The following B3GALNT1 variants were observed in gnomAD, a reference collection of about 807,000 sequenced individuals.
The protein encoded by B3GALNT1 is beta-1,3-N-acetylgalactosaminyltransferase 1 (Globoside blood group).
A neutral mutation model predicts 27.3 loss-of-function variants in B3GALNT1; 17 were observed. The observed-to-expected ratio is 0.62, with a 90% CI of 0.43 to 0.94. B3GALNT1 has a LOEUF of 0.94. Ranked by LOEUF, B3GALNT1 falls within the 40% of genes least tolerant of loss-of-function variation. The pLI is 0.00. For synonymous variants in B3GALNT1, 141 were observed against 144.0 expected (o/e 0.98, Z 0.15); for missense variants, 347 against 390.0 (o/e 0.89, Z 0.93).
chr3:161,100,542 AT>A (rs1560009503), intron 4 of B3GALNT1, among the ~76,000 whole-genome samples: 1 of 152,220 alleles, frequency 6.6e-6, no homozygotes, highest in Non-Finnish European at 1.5e-5. Context: ...TTAAAGACAC[AT>A]GTAAGTAAGA....
Position 161,099,286 on chromosome 3 carries a change from G to T in B3GALNT1, c.-35+1853C>A, listed in dbSNP as rs1729897776. Among the ~76,000 whole-genome samples, 3 of 151,672 alleles carry T rather than the reference G, an allele frequency of 2.0e-5. No homozygotes were observed. In the South Asian group the frequency reaches 6.3e-4, roughly 32 times the overall value. On this transcript the variant is annotated intron_variant, in intron 4 of 4. Transcript: ENST00000320474. ...TGGGCTTATTCAATTTTGTAGGCAG[G>T]AAAAAAAATGACAAATTCATTAAAA... is the stretch of plus-strand genomic sequence containing the variant.
chr3:161,085,739 G>A lies in B3GALNT1; in HGVS notation c.*20C>T, dbSNP rs1485896064. The A allele has an allele frequency of 4.3e-6, 7 of 1,612,608 alleles. No homozygotes were observed. The African/African-American group carries it at 8.0e-5, about 18-fold the overall frequency. On this transcript the variant is annotated 3_prime_UTR_variant, in exon 5 of 5. Coordinates refer to ENST00000320474, the MANE Select transcript of B3GALNT1 (RefSeq NM_003781.4). ...TCCACAAAGTATCCTGTCCTTCTAG[G>A]CTTTTTGTAGAATGTGAAGTTAATA...
intron 3 of B3GALNT1, among the ~76,000 whole-genome samples, chr3:161,101,609 C>T (rs1731328265): frequency 6.6e-6 from 1 of 152,066 alleles, no homozygotes; most frequent in Non-Finnish European, 1.5e-5. Context: ...CATTTCACAC[C>T]AAACATCATG....
intron 4 of B3GALNT1, among the ~76,000 whole-genome samples, chr3:161,095,587 A>G (rs1288726569): frequency 2.6e-5 from 4 of 152,178 alleles, no homozygotes; most frequent in Non-Finnish European, 2.9e-5. Flanking sequence ...ACTAATGCCC[A>G]GAGAGAGTAA....
In B3GALNT1 at chr3:161,085,226, T is replaced by C. The variant is rs750218233; in HGVS notation, c.*533A>G. Reference sequence around the variant, plus strand: ...AACACAAAGTTGAAGTAATTTTAAATAATAATAACTGTGAAATACTGCAAC... The same window carrying C: ...AACACAAAGTTGAAGTAATTTTAAACAATAATAACTGTGAAATACTGCAAC... On this transcript the variant is annotated 3_prime_UTR_variant, in exon 5 of 5. Coordinates refer to ENST00000320474, the MANE Select transcript of B3GALNT1 (RefSeq NM_003781.4). 1.3e-5 allele frequency: 2 copies of C among 152,438 alleles called. No homozygotes were observed. The highest frequency in any genetic ancestry group is 2.9e-5 in the Non-Finnish European group (2 of 68,238). The allele number at this position is 152,438 out of a possible 1,614,324, so 9.4% of individuals were successfully genotyped here.
chr3:161,085,678 A>C lies in B3GALNT1; in HGVS notation c.*81T>G. On this transcript the variant is annotated 3_prime_UTR_variant, in exon 5 of 5. Coordinates refer to ENST00000320474, the MANE Select transcript of B3GALNT1 (RefSeq NM_003781.4). ...TGTAAGCCAGCACACTGACCTCCCC[A>C]TGAATTTTCCACAGTACCTACTTTA... The C allele has an allele frequency of 6.6e-7, 1 of 1,520,874 alleles. No homozygotes were observed. The highest frequency in any genetic ancestry group is 1.1e-5 in the South Asian group (1 of 88,430). 94.2% of individuals were successfully genotyped at this position (1,520,874 alleles called of 1,614,324 possible). A position where few individuals can be genotyped will look rare whatever the true frequency, so the allele number is the denominator to read the frequency against.
chr3:161,094,391 A>G (rs1234662770), intron 4 of B3GALNT1, among the ~76,000 whole-genome samples: 1 of 152,176 alleles, frequency 6.6e-6, no homozygotes, highest in Non-Finnish European at 1.5e-5. Context: ...TAACACCAAA[A>G]ACATACTGGA....
rs1279679373 is a variant in B3GALNT1 at position 161,105,288 on chromosome 3, C to T, written c.-362G>A. On this transcript the variant is annotated 5_prime_UTR_variant, in exon 1 of 5. Coordinates refer to ENST00000320474, the MANE Select transcript of B3GALNT1 (RefSeq NM_003781.4). ...GAAGCGGGAAGGTGGCCGGCGTTCT[C>T]TCCCTGCGCACACACGCAGCCTCCC... 1.3e-5 allele frequency: 2 copies of T among 152,178 alleles called. No individual in the cohort carries two copies. The highest frequency in any genetic ancestry group is 2.4e-5 in the African/African-American group (1 of 41,436). 9.4% of individuals were successfully genotyped at this position (152,178 alleles called of 1,614,324 possible).
intron 3 of B3GALNT1, among the ~76,000 whole-genome samples, chr3:161,101,521 T>C (rs1464523427): frequency 6.6e-6 from 1 of 152,062 alleles, no homozygotes; most frequent in Non-Finnish European, 1.5e-5. Flanking sequence ...GGGGCAGCAG[T>C]GGGGAAGCAG....
intron 1 of B3GALNT1, chr3:161,104,688 C>T (rs1018014292): frequency 4.8e-6 from 1 of 209,398 alleles, no homozygotes. Context: ...CTTAGTTTCA[C>T]ATTCCTTCCC....
At position 161,085,655 on chromosome 3, in the gene B3GALNT1, TA is replaced by T; in HGVS notation, c.*103del. On this transcript the variant is annotated 3_prime_UTR_variant, in exon 5 of 5. Coordinates refer to ENST00000320474, the MANE Select transcript of B3GALNT1 (RefSeq NM_003781.4). ...GTTTTTCATGAGTTTCAGTTCAGTG[TA>T]AGCCAGCACACTGACCTCCCCATGA... is the stretch of plus-strand genomic sequence containing the variant. 7.7e-7 allele frequency: 1 copy of T among 1,300,998 alleles called. No homozygotes were observed. The highest frequency in any genetic ancestry group is 1.1e-6 in the Non-Finnish European group (1 of 901,954). The allele number at this position is 1,300,998 out of a possible 1,614,324, so 80.6% of individuals were successfully genotyped here.
chr3:161,087,745 G>C (rs892488962), intron 4 of B3GALNT1, among the ~76,000 whole-genome samples: 1 of 152,152 alleles, frequency 6.6e-6, no homozygotes, highest in African/African-American at 2.4e-5. Flanking sequence ...GGATTCCATA[G>C]AGCTTTCCTT....
chr3:161,090,740 A>G (rs1724627215), intron 4 of B3GALNT1, among the ~76,000 whole-genome samples: 1 of 152,110 alleles, frequency 6.6e-6, no homozygotes, highest in Admixed American at 6.5e-5. Context: ...AAATCCTTAT[A>G]TACACAATTT....
At chr3:161,099,117 G>A (rs1729801734) in intron 4 of B3GALNT1, among the ~76,000 whole-genome samples, 2 of 152,210 alleles carry the variant, frequency 1.3e-5, no homozygotes, top group Admixed American at 6.5e-5. Flanking sequence ...GCTGGACTCT[G>A]GGAATAGTGT....
At chr3:161,088,558 C>T (rs959674737) in intron 4 of B3GALNT1, among the ~76,000 whole-genome samples, 13 of 152,106 alleles carry the variant, frequency 8.5e-5, no homozygotes, top group African/African-American at 2.7e-4. Flanking sequence ...ACTGCCAATC[C>T]CAGAAAAAAA....
chr3:161,089,711 A>G (rs945685337), intron 4 of B3GALNT1, among the ~76,000 whole-genome samples: 2 of 152,214 alleles, frequency 1.3e-5, no homozygotes, highest in Non-Finnish European at 2.9e-5. Context: ...AGATGATGGC[A>G]GGAATAAATA....
At chr3:161,087,298 A>C (rs1160660327) in intron 4 of B3GALNT1, among the ~76,000 whole-genome samples, 1 of 152,242 alleles carries the variant, frequency 6.6e-6, no homozygotes, top group East Asian at 1.9e-4. Flanking sequence ...CTGGATAAGA[A>C]AAACCCTATA....
rs1732540389 is a variant in B3GALNT1 at position 161,103,510 on chromosome 3, G to A, written c.-213C>T. 2 of 1,255,188 alleles carry A rather than the reference G, an allele frequency of 1.6e-6. No individual in the cohort carries two copies. The highest frequency in any genetic ancestry group is 1.5e-5 in the African/African-American group (1 of 64,952). 77.8% of individuals were successfully genotyped at this position (1,255,188 alleles called of 1,614,324 possible). ...CTTAATTAAAACACTCAGATCTGTTGTGAACTACTGAACAGAAGAACAGAA... is the reference window on the plus strand; with the variant it reads ...CTTAATTAAAACACTCAGATCTGTTATGAACTACTGAACAGAAGAACAGAA... On this transcript the variant is annotated 5_prime_UTR_variant, in exon 3 of 5. Transcript: ENST00000320474.
Position 161,085,680 on chromosome 3 carries a change from G to T in B3GALNT1, c.*79C>A, listed in dbSNP as rs959817688. The T allele has an allele frequency of 3.9e-6, 6 of 1,534,430 alleles. No homozygotes were observed. Among genetic ancestry groups the T allele is most frequent in the Non-Finnish European group, 5.4e-6 (6 of 1,109,106 alleles). On this transcript the variant is annotated 3_prime_UTR_variant, in exon 5 of 5. Coordinates refer to ENST00000320474, the MANE Select transcript of B3GALNT1 (RefSeq NM_003781.4). Reference sequence around the variant, plus strand: ...TAAGCCAGCACACTGACCTCCCCATGAATTTTCCACAGTACCTACTTTATT... The same window carrying T: ...TAAGCCAGCACACTGACCTCCCCATTAATTTTCCACAGTACCTACTTTATT...
Sources: gnomAD v4.1 joint callset for allele counts (sites outside exome capture counted in the v4.1 genomes callset) on GRCh38, gnomAD v4.1.1 for gene constraint, MANE v1.5 for transcripts, NCBI Gene and HGNC (gene_info 2026-07-23, HGNC 2026-07-21) for gene names.